The following DARS1 variants were observed in gnomAD, a reference collection of about 807,000 sequenced individuals.
The protein encoded by DARS1 is aspartyl-tRNA synthetase 1, also known as aspartate--tRNA ligase, cytoplasmic.
A neutral mutation model predicts 68.8 loss-of-function variants in DARS1; 51 were observed. The ratio of observed to expected loss-of-function variants is 0.74; its 90% CI spans 0.59 to 0.94. The LOEUF is 0.94. Ranked by LOEUF, DARS1 falls within the 40% of genes least tolerant of loss-of-function variation. DARS1 has a pLI of 0.00. For synonymous variants in DARS1, 203 were observed against 190.4 expected (o/e 1.07, Z -0.55); for missense variants, 607 against 597.3 (o/e 1.02, Z -0.17).
At chr2:135,977,925 C>T (rs1682535387) in intron 3 of DARS1, among the ~76,000 whole-genome samples, 1 of 151,714 alleles carries the variant, frequency 6.6e-6, no homozygotes, top group African/African-American at 2.4e-5. Flanking sequence ...AGAGGATCAC[C>T]TGAGGTCGGG....
At chr2:135,919,311 G>A (rs1458010402) in intron 10 of DARS1, among the ~76,000 whole-genome samples, 4 of 152,182 alleles carry the variant, frequency 2.6e-5, no homozygotes, top group African/African-American at 9.7e-5. Flanking sequence ...GATTACAGGC[G>A]TGAGCCACCT....
chr2:135,932,094 C>G (rs559676698), intron 7 of DARS1, among the ~76,000 whole-genome samples: 1 of 152,158 alleles, frequency 6.6e-6, no homozygotes, highest in South Asian at 2.1e-4. Context: ...TTAGGAATAA[C>G]ATGAGTATAT....
At position 135,907,423 on chromosome 2, in the gene DARS1, A is replaced by G. The variant is rs1474515310; in HGVS notation, c.1415-16T>C. 4.5e-6 allele frequency: 7 copies of G among 1,561,514 alleles called. No individual in the cohort carries two copies. In the African/African-American group the frequency reaches 9.5e-5, roughly 21 times the overall value. The stretch of plus-strand genomic sequence containing the variant: ...CGTTCCAATCCTGGGGAAGACAAAA[A>G]TAATCATTAATTCCTTTTTGAAAAT... On this transcript the variant is annotated splice_polypyrimidine_tract_variant and intron_variant, in intron 15 of 15. Coordinates refer to ENST00000264161, the MANE Select transcript of DARS1 (RefSeq NM_001349.4).
At chr2:135,919,402 T>A (rs963723084) in intron 10 of DARS1, among the ~76,000 whole-genome samples, 1 of 152,194 alleles carries the variant, frequency 6.6e-6, no homozygotes, top group Non-Finnish European at 1.5e-5. Context: ...TTGAACTCTT[T>A]TAAAATACCA....
intron 15 of DARS1, 115 bp from the exon 16 acceptor site, chr2:135,907,522 A>C: frequency 1.6e-6 from 1 of 638,982 alleles, no homozygotes. Context: ...GTTAGGAAAG[A>C]AAATGACTCT....
At chr2:135,919,299 G>T (rs895703173) in intron 10 of DARS1, among the ~76,000 whole-genome samples, 4 of 152,170 alleles carry the variant, frequency 2.6e-5, no homozygotes, top group African/African-American at 9.7e-5. Context: ...CCAAAGTGCT[G>T]GGATTACAGG....
At chr2:135,970,007 C>T (rs115651129) in intron 3 of DARS1, among the ~76,000 whole-genome samples, 4 of 152,134 alleles carry the variant, frequency 2.6e-5, no homozygotes, top group African/African-American at 9.7e-5. Context: ...GTATTTTCTT[C>T]TTAAGGGAAC....
At chr2:135,944,887 T>C (rs1031759238) in intron 4 of DARS1, among the ~76,000 whole-genome samples, 9 of 152,220 alleles carry the variant, frequency 5.9e-5, no homozygotes, top group Non-Finnish European at 8.8e-5. Flanking sequence ...GTGAGAATTC[T>C]ATTGCTTATC....
At chr2:135,908,498 C>T (rs1381542323) in intron 15 of DARS1, among the ~76,000 whole-genome samples, 5 of 152,162 alleles carry the variant, frequency 3.3e-5, no homozygotes, top group African/African-American at 1.2e-4. Flanking sequence ...TACTGTCTTC[C>T]ACAATGGTTG....
chr2:135,965,884 C>G (rs1278905939), intron 3 of DARS1, among the ~76,000 whole-genome samples: 1 of 152,212 alleles, frequency 6.6e-6, no homozygotes, highest in Admixed American at 6.5e-5. Flanking sequence ...ACCATCAGTA[C>G]TGGCTCCCTG....
intron 5 of DARS1, among the ~76,000 whole-genome samples, chr2:135,937,738 C>T (rs1681501481): frequency 1.3e-5 from 2 of 152,260 alleles, no homozygotes; most frequent in African/African-American, 2.4e-5. Flanking sequence ...TTTATTTCTC[C>T]TTCACTTATG....
intron 3 of DARS1, chr2:135,979,024 G>C: frequency 3.3e-6 from 1 of 304,794 alleles, no homozygotes; most frequent in Non-Finnish European, 5.9e-6. Flanking sequence ...TTAAACTTTA[G>C]AGCGATGCTA....
intron 3 of DARS1, among the ~76,000 whole-genome samples, chr2:135,971,366 A>T (rs547162350): frequency 6.6e-6 from 1 of 152,300 alleles, no homozygotes; most frequent in East Asian, 1.9e-4. Context: ...ACTGATGCTA[A>T]AAAAGCAGCT....
At chr2:135,915,488 G>C (rs977614000) in intron 11 of DARS1, among the ~76,000 whole-genome samples, 5 of 152,022 alleles carry the variant, frequency 3.3e-5, no homozygotes, top group African/African-American at 4.8e-5. Context: ...GCATCTCTCT[G>C]TGTTGTCCAG....
chr2:135,971,339 C>G (rs376728890), intron 3 of DARS1, among the ~76,000 whole-genome samples: 1 of 151,986 alleles, frequency 6.6e-6, no homozygotes, highest in Non-Finnish European at 1.5e-5. Flanking sequence ...AGGACAAAAG[C>G]GATATGATCA....
In DARS1 at chr2:135,983,435, T is replaced by C; in HGVS notation, c.86A>G (p.Tyr29Cys). 2 of 1,206,308 alleles carry C rather than the reference T, an allele frequency of 1.7e-6. No homozygotes were observed. The highest frequency in any genetic ancestry group is 2.5e-6 in the Non-Finnish European group (2 of 815,364). 74.7% of individuals were successfully genotyped at this position (1,206,308 alleles called of 1,614,324 possible). A position where few individuals can be genotyped will look rare whatever the true frequency, so the allele number is the denominator to read the frequency against. Residue 29 changes from tyrosine (Y) to cysteine (C), a missense_variant, in exon 2 of 16, where the codon TAT (tyrosine) becomes TGT (cysteine). Transcript: ENST00000264161. The stretch of plus-strand genomic sequence containing the variant: ...TGATTGTATCATTGAAGATATTCCA[T>C]ATCTCTCTTTAGCATAATCCTACAA... Reference protein sequence around the residue: ...DAAEDYAKERYGISSMIQSQE... With the variant: ...DAAEDYAKERCGISSMIQSQE...
chr2:135,909,966 A>G (rs1457493696), intron 15 of DARS1, among the ~76,000 whole-genome samples: 1 of 152,196 alleles, frequency 6.6e-6, no homozygotes, highest in East Asian at 1.9e-4. Flanking sequence ...CAATGCAAAT[A>G]TGATAACAAA....
At chr2:135,954,224 G>C (rs1335883536) in intron 4 of DARS1, among the ~76,000 whole-genome samples, 3 of 149,804 alleles carry the variant, frequency 2.0e-5, no homozygotes, top group East Asian at 2.0e-4. Flanking sequence ...ACAGAGACTA[G>C]AGTGTGAATC....
chr2:135,911,280 C>T, intron 14 of DARS1, 70 bp from the exon 15 acceptor site: 2 of 887,272 alleles, frequency 2.3e-6, no homozygotes, highest in Non-Finnish European at 3.8e-6. Context: ...AAAGCAATTA[C>T]TGTTCAATGG....
Sources: gnomAD v4.1 joint callset for allele counts (sites outside exome capture counted in the v4.1 genomes callset) on GRCh38, gnomAD v4.1.1 for gene constraint, MANE v1.5 for transcripts, NCBI Gene and HGNC (gene_info 2026-07-23, HGNC 2026-07-21) for gene names.